ADAMTS12: variants seen among roughly 807,000 people sequenced by gnomAD.
ADAMTS12 encodes A disintegrin and metalloproteinase with thrombospondin motifs 12.
Under a neutral mutation model 167.8 loss-of-function variants are expected in ADAMTS12, and 118 were observed. The ratio of observed to expected loss-of-function variants is 0.70; its 90% confidence interval spans 0.61 to 0.82. The LOEUF is 0.82. Ranked by LOEUF, ADAMTS12 falls within the 40% of genes least tolerant of loss-of-function variation. ADAMTS12 has a pLI of 0.00. For missense variants in ADAMTS12, 1,916 were observed against 1,998.8 expected (o/e 0.96, Z 0.79); for synonymous variants, 704 against 716.9 (o/e 0.98, Z 0.29).
chr5:33,727,531 G>C (rs1744028016), intron 3 of ADAMTS12, among the ~76,000 whole-genome samples: 1 of 152,164 alleles, frequency 6.6e-6, no homozygotes, highest in Admixed American at 6.5e-5. Context: ...CTTTCCAAGG[G>C]CTTCAACTGT....
chr5:33,534,870 G>A lies in ADAMTS12; in HGVS notation c.4569C>T (p.Phe1523=). 1 of 1,613,480 alleles carries A rather than the reference G, an allele frequency of 6.2e-7. No individual in the cohort carries two copies. Among genetic ancestry groups the A allele is most frequent in the Non-Finnish European group, 8.5e-7 (1 of 1,179,852 alleles). The change falls in exon 23 of 24, where the codon TTC becomes TTT. Residue 1523 remains phenylalanine, a synonymous_variant. Coordinates refer to ENST00000504830, the MANE Select transcript of ADAMTS12 (RefSeq NM_030955.4). The part of the protein sequence containing the change: ...LCDHKPRPPE[F]KKCNQQACKK... ...TGCAGGCCTGCTGGTTGCATTTTTT[G>A]AATTCTGGAGGTCTGGGTTTGTGAT...
intron 3 of ADAMTS12, among the ~76,000 whole-genome samples, chr5:33,687,682 A>T (rs942007183): frequency 5.3e-5 from 8 of 152,210 alleles, no homozygotes; most frequent in African/African-American, 1.9e-4. Context: ...AAGTGGTAAG[A>T]TCTGAACTGG....
At chr5:33,553,039 A>T (rs1470913544) in intron 20 of ADAMTS12, among the ~76,000 whole-genome samples, 2 of 152,124 alleles carry the variant, frequency 1.3e-5, no homozygotes, top group African/African-American at 4.8e-5. Context: ...ACAACCATAT[A>T]AAAAAGTGAG....
intron 12 of ADAMTS12, among the ~76,000 whole-genome samples, chr5:33,635,480 G>A (rs552232253): frequency 2.4e-4 from 36 of 152,238 alleles, no homozygotes; most frequent in African/African-American, 7.9e-4. Flanking sequence ...AGTTACAGAG[G>A]TCCTCCGAAC....
intron 17 of ADAMTS12, among the ~76,000 whole-genome samples, chr5:33,595,336 T>G (rs560277969): frequency 3.5e-4 from 54 of 152,324 alleles, no homozygotes; most frequent in Non-Finnish European, 6.3e-4. Context: ...TCTGTCAATG[T>G]CTGCAGACAT....
chr5:33,729,724 C>G (rs201378315), intron 3 of ADAMTS12, among the ~76,000 whole-genome samples: 1 of 152,194 alleles, frequency 6.6e-6, no homozygotes, highest in East Asian at 1.9e-4. Context: ...CTCTGGGATG[C>G]TGGAGACTGG....
intron 1 of ADAMTS12, among the ~76,000 whole-genome samples, chr5:33,883,105 A>G (rs1275393210): frequency 1.3e-5 from 2 of 152,098 alleles, no homozygotes; most frequent in Non-Finnish European, 1.5e-5. Flanking sequence ...CTGAACCCTC[A>G]TGCCCTTACT....
chr5:33,891,741 T>C lies in ADAMTS12; in HGVS notation c.116A>G (p.Asp39Gly). The C allele has an allele frequency of 2.5e-6, 4 of 1,614,156 alleles. No individual in the cohort carries two copies. Among genetic ancestry groups the C allele is most frequent in the Non-Finnish European group, 3.4e-6 (4 of 1,180,028 alleles). ...QPQPGPVRFP[D>G]RRQEHFIKGL... ...GAAGAGTCACTAACCTTGCCTCCTG[T>C]CCGGGAAGCGAACCGGGCCTGGCTG... is the stretch of plus-strand genomic sequence containing the variant. Residue 39 changes from aspartate to glycine, a missense_variant, in exon 1 of 24, where the codon GAC becomes GGC. Transcript: ENST00000504830.
chr5:33,879,771 C>T (rs1292092266), intron 2 of ADAMTS12, among the ~76,000 whole-genome samples: 2 of 152,188 alleles, frequency 1.3e-5, no homozygotes, highest in African/African-American at 4.8e-5. Flanking sequence ...TAATGTTTTA[C>T]TGAATTTTCT....
chr5:33,536,146 A>AT (rs564989835), intron 22 of ADAMTS12, among the ~76,000 whole-genome samples: 5 of 152,036 alleles, frequency 3.3e-5, no homozygotes, highest in Non-Finnish European at 5.9e-5. Flanking sequence ...CATTTAAACC[A>AT]TTTTTTCTGA....
chr5:33,787,023 C>CTGT (rs138409050), intron 2 of ADAMTS12, among the ~76,000 whole-genome samples: 12 of 62,734 alleles, frequency 1.9e-4, no homozygotes, highest in African/African-American at 1.5e-3. Flanking sequence ...ATGAAATAAC[C>CTGT]TAAGTGGATG....
At chr5:33,549,862 G>C (rs1336763452) in intron 20 of ADAMTS12, among the ~76,000 whole-genome samples, 1 of 152,226 alleles carries the variant, frequency 6.6e-6, no homozygotes, top group Non-Finnish European at 1.5e-5. Flanking sequence ...TCAGAATACT[G>C]GTTTTCTCTA....
intron 2 of ADAMTS12, among the ~76,000 whole-genome samples, chr5:33,849,148 AGCAATATATATATGTATTGCAT>A (rs2111634217): frequency 1.0e-5 from 1 of 96,808 alleles, no homozygotes; most frequent in Non-Finnish European, 2.2e-5. Context: ...TGTATTGCAT[AGCAATATATATATGTATTGCAT>A]AGCAATATAT....
At chr5:33,848,894 A>G (rs557456330) in intron 2 of ADAMTS12, among the ~76,000 whole-genome samples, 1 of 152,106 alleles carries the variant, frequency 6.6e-6, no homozygotes, top group African/African-American at 2.4e-5. Flanking sequence ...ATGTGTATAT[A>G]TTATACACAC....
intron 20 of ADAMTS12, among the ~76,000 whole-genome samples, chr5:33,552,746 G>A (rs62351099): frequency 0.044 from 6,673 of 152,278 alleles, 212 homozygotes; most frequent in Middle Eastern, 0.078. Flanking sequence ...TTTTTTACCA[G>A]TACCATGCTG....
At chr5:33,565,985 TG>T (rs1745996986) in intron 19 of ADAMTS12, among the ~76,000 whole-genome samples, 1 of 152,204 alleles carries the variant, frequency 6.6e-6, no homozygotes, top group Admixed American at 6.5e-5. Flanking sequence ...ACAACTGCTC[TG>T]GGTTTTGGTG....
At chr5:33,592,225 G>T (rs113349612) in intron 17 of ADAMTS12, among the ~76,000 whole-genome samples, 2 of 151,208 alleles carry the variant, frequency 1.3e-5, no homozygotes, top group Non-Finnish European at 2.9e-5. Context: ...GCGAAACTCC[G>T]TCTCAAAACA....
At chr5:33,866,377 G>A (rs1215468200) in intron 2 of ADAMTS12, among the ~76,000 whole-genome samples, 1 of 152,032 alleles carries the variant, frequency 6.6e-6, no homozygotes, top group Admixed American at 6.6e-5. Flanking sequence ...ATGGTGCTGG[G>A]AAAACTCTAG....
intron 3 of ADAMTS12, among the ~76,000 whole-genome samples, chr5:33,699,225 A>G (rs1219368045): frequency 6.6e-6 from 1 of 152,172 alleles, no homozygotes; most frequent in Non-Finnish European, 1.5e-5. Flanking sequence ...ATACAGATTA[A>G]TGGAACAGAA....
Sources: gnomAD v4.1 joint callset for allele counts (sites outside exome capture counted in the v4.1 genomes callset) on GRCh38, gnomAD v4.1.1 for gene constraint, MANE v1.5 for transcripts, NCBI Gene and HGNC (gene_info 2026-07-23, HGNC 2026-07-21) for gene names.